The following SLC24A2 variants were observed in gnomAD, a reference collection of about 807,000 sequenced individuals.
SLC24A2 encodes the protein sodium/potassium/calcium exchanger 2.
A neutral mutation model predicts 62.0 loss-of-function variants in SLC24A2; 36 were observed. That is an observed-to-expected ratio of 0.58 (90% CI 0.44 to 0.77). The LOEUF (loss-of-function observed/expected upper bound fraction) is 0.77. Ranked by LOEUF, SLC24A2 falls within the 30% of genes least tolerant of loss-of-function variation. The pLI is 0.00. For synonymous variants in SLC24A2, 358 were observed against 294.0 expected (o/e 1.22, Z -2.23); for missense variants, 846 against 817.9 (o/e 1.03, Z -0.42).
the SLC24A2 span, among the ~76,000 whole-genome samples, chr9:20,233,270 C>T: frequency 6.6e-6 from 1 of 152,054 alleles, no homozygotes; most frequent in Non-Finnish European, 1.5e-5. Flanking sequence ...AGTTCAATTC[C>T]TGGGTATCCT....
the SLC24A2 span, among the ~76,000 whole-genome samples, chr9:20,163,571 G>A: frequency 6.6e-6 from 1 of 152,138 alleles, no homozygotes; most frequent in African/African-American, 2.4e-5. Context: ...GTAATTTACA[G>A]ATTCAATGCC....
intron 7 of SLC24A2, among the ~76,000 whole-genome samples, chr9:19,562,610 CCA>C (rs1378998768): frequency 3.3e-5 from 5 of 152,054 alleles, no homozygotes; most frequent in African/African-American, 1.2e-4. Flanking sequence ...GAACTGGACC[CCA>C]GTTTTTCCTA....
the SLC24A2 span, among the ~76,000 whole-genome samples, chr9:20,109,315 A>ACTG: frequency 2.0e-5 from 3 of 152,228 alleles, no homozygotes; most frequent in African/African-American, 7.2e-5. Flanking sequence ...CAAGCCTGAG[A>ACTG]CTGCTACCCT....
chr9:19,844,222 T>C, the SLC24A2 span, among the ~76,000 whole-genome samples: 12 of 152,154 alleles, frequency 7.9e-5, no homozygotes, highest in Non-Finnish European at 1.5e-4. Context: ...GCCATTCTGA[T>C]TGGAGTGAGA....
At chr9:19,662,055 G>A (rs1271399255) in intron 2 of SLC24A2, among the ~76,000 whole-genome samples, 1 of 151,992 alleles carries the variant, frequency 6.6e-6, no homozygotes, top group Admixed American at 6.6e-5. Flanking sequence ...GCTATTCCTG[G>A]CCAAGATCTT....
the SLC24A2 span, among the ~76,000 whole-genome samples, chr9:19,851,804 T>C: frequency 5.3e-5 from 8 of 152,232 alleles, no homozygotes; most frequent in African/African-American, 1.9e-4. Flanking sequence ...AGTGCATGTA[T>C]CTTTATAATA....
At chr9:19,890,554 C>G in the SLC24A2 span, among the ~76,000 whole-genome samples, 1 of 152,208 alleles carries the variant, frequency 6.6e-6, no homozygotes, top group Non-Finnish European at 1.5e-5. Context: ...GTTTTTCTCA[C>G]TGATGACTTC....
chr9:20,056,887 A>G, the SLC24A2 span, among the ~76,000 whole-genome samples: 1 of 152,224 alleles, frequency 6.6e-6, no homozygotes, highest in Admixed American at 6.5e-5. Context: ...AAAATTTAAA[A>G]AACCCCTCTC....
rs1044951324 is a variant in SLC24A2, at chr9:19,786,459, A to C, written c.408T>G (p.Ile136Met). The C allele has an allele frequency of 6.2e-7, 1 of 1,614,148 alleles. No individual in the cohort carries two copies. Among genetic ancestry groups the C allele is most frequent in the East Asian group, 2.2e-5 (1 of 44,880 alleles). Residue 136 changes from isoleucine (I) to methionine (M), a missense_variant, in exon 2 of 11, where the codon ATT becomes ATG. Physicochemically the swap from Ile to Met is conservative, Grantham distance 10 (BLOSUM62 1). Transcript: ENST00000341998. The surrounding 1 kb of genome is among the most constrained non-coding windows in gnomAD (Gnocchi z 5.0). Reference sequence around the variant, plus strand: ...TGTAGATCATTCCAATGACATGCAGAATGATCGCACCTTTTCTTCTCTCCT... The same window carrying C: ...TGTAGATCATTCCAATGACATGCAGCATGATCGCACCTTTTCTTCTCTCCT... ...SLEERRKGAIILHVIGMIYMF... is the reference protein window; with the variant it reads ...SLEERRKGAIMLHVIGMIYMF...
the SLC24A2 span, among the ~76,000 whole-genome samples, chr9:20,054,615 A>G: frequency 1.3e-5 from 2 of 152,150 alleles, no homozygotes; most frequent in African/African-American, 4.8e-5. Flanking sequence ...TTCAAAGTCC[A>G]TTATATAATT....
At chr9:20,014,090 C>T in the SLC24A2 span, among the ~76,000 whole-genome samples, 1 of 152,188 alleles carries the variant, frequency 6.6e-6, no homozygotes, top group East Asian at 1.9e-4. Context: ...TGCCTATAGT[C>T]TCAGCTACTC....
chr9:19,895,719 C>T, the SLC24A2 span: 9 of 1,265,246 alleles, frequency 7.1e-6, no homozygotes, highest in East Asian at 1.8e-4. Flanking sequence ...AGCCTGGGGC[C>T]TGGTGGTCGA....
At chr9:19,960,065 GT>G in the SLC24A2 span, among the ~76,000 whole-genome samples, 1 of 152,126 alleles carries the variant, frequency 6.6e-6, no homozygotes, top group Admixed American at 6.6e-5. Flanking sequence ...AAGTGTGTCC[GT>G]TGAGGATAAG....
At chr9:20,180,818 A>G in the SLC24A2 span, among the ~76,000 whole-genome samples, 1 of 152,206 alleles carries the variant, frequency 6.6e-6, no homozygotes, top group Non-Finnish European at 1.5e-5. Context: ...GACAAATGGA[A>G]AGTTAAGAGC....
In SLC24A2 at chr9:19,689,489, A is replaced by C. The variant is rs567536139; in HGVS notation, c.931-67190T>G. Among the ~76,000 whole-genome samples the C allele has an allele frequency of 2.2e-4, 34 of 152,252 alleles. No individual in the cohort carries two copies. The South Asian group carries it at 5.4e-3, about 24-fold the overall frequency. On this transcript the variant is annotated intron_variant, in intron 2 of 10. Coordinates refer to ENST00000341998, the MANE Select transcript of SLC24A2 (RefSeq NM_020344.4). ...TTCAACATGTCTGACTAATGCTCAG[A>C]ATATTCATTTTCCTACAGAGTACGG...
the SLC24A2 span, among the ~76,000 whole-genome samples, chr9:20,280,911 G>A: frequency 6.6e-6 from 1 of 152,172 alleles, no homozygotes; most frequent in Non-Finnish European, 1.5e-5. Context: ...AGCAGGAGGA[G>A]ACAAGGGATA....
the SLC24A2 span, among the ~76,000 whole-genome samples, chr9:19,856,476 G>A: frequency 2.6e-5 from 4 of 151,968 alleles, no homozygotes; most frequent in African/African-American, 9.7e-5. Flanking sequence ...TTTTTGTGGG[G>A]TCTTTTTTGT....
the SLC24A2 span, among the ~76,000 whole-genome samples, chr9:20,262,339 G>C: frequency 6.6e-6 from 1 of 152,190 alleles, no homozygotes; most frequent in Non-Finnish European, 1.5e-5. Flanking sequence ...AAGTTTCCTT[G>C]TCTATAACAT....
At chr9:19,679,064 A>G (rs1373516349) in intron 2 of SLC24A2, among the ~76,000 whole-genome samples, 3 of 152,324 alleles carry the variant, frequency 2.0e-5, no homozygotes, top group East Asian at 3.9e-4. Flanking sequence ...AGATGAGAAC[A>G]TCGACTTTTC....
Sources: allele counts gnomAD v4.1 joint callset (sites outside exome capture counted in the v4.1 genomes callset), GRCh38; gene constraint gnomAD v4.1.1; non-coding constraint Gnocchi (gnomAD v3.1); transcripts MANE v1.5; gene names NCBI Gene and HGNC (gene_info 2026-07-23, HGNC 2026-07-21).